FRMD4A: variants seen among roughly 807,000 people sequenced by gnomAD.
The protein encoded by FRMD4A is FERM domain containing 4A.
In FRMD4A, 29 loss-of-function variants were observed where a neutral mutation model predicts 129.1. The ratio of observed to expected loss-of-function variants is 0.22; its 90% CI spans 0.17 to 0.31. FRMD4A has a LOEUF of 0.31. Ranked by LOEUF, FRMD4A falls within the 10% of genes least tolerant of loss-of-function variation. The pLI, the probability that FRMD4A is intolerant of heterozygous loss-of-function variation, is 1.00. For synonymous variants in FRMD4A, 634 were observed against 571.6 expected (o/e 1.11, Z -1.56); for missense variants, 1,272 against 1,375.8 (o/e 0.92, Z 1.19).
chr10:14,153,223 A>T (rs1460524501), intron 2 of FRMD4A, among the ~76,000 whole-genome samples: 1 of 152,232 alleles, frequency 6.6e-6, no homozygotes, highest in Non-Finnish European at 1.5e-5. Flanking sequence ...AACGAATTCA[A>T]TTTAATAGAA....
Position 13,907,625 on chromosome 10 carries a change from A to C in FRMD4A, c.46-48713T>G, listed in dbSNP as rs577977024. ...CTGACAGACGAGGAAGTAGGCAGTA[A>C]GTTCCTGGCCTGCCCAATGGCTCCT... On this transcript the variant is annotated intron_variant, in intron 2 of 24. Transcript: ENST00000357447. Among the ~76,000 whole-genome samples, 317 of 152,264 alleles carry C rather than the reference A, an allele frequency of 2.1e-3. 4 individuals carry two copies. Among genetic ancestry groups the C allele is most frequent in the African/African-American group, 7.2e-3 (298 of 41,542 alleles).
At chr10:14,027,980 C>G (rs1168775265) in intron 2 of FRMD4A, among the ~76,000 whole-genome samples, 3 of 152,188 alleles carry the variant, frequency 2.0e-5, no homozygotes, top group African/African-American at 4.8e-5. Flanking sequence ...TAGAACCACA[C>G]CAGTGTTAAG....
At chr10:14,067,855 T>C (rs997206410) in intron 2 of FRMD4A, among the ~76,000 whole-genome samples, 1 of 152,014 alleles carries the variant, frequency 6.6e-6, no homozygotes, top group Non-Finnish European at 1.5e-5. Context: ...CCAAAAACAC[T>C]GTCATGAACA....
In FRMD4A at chr10:14,066,367, T is replaced by C. The variant is rs1284213461; in HGVS notation, c.46-207455A>G. Reference sequence around the variant, plus strand: ...CAGGGAAGGGGTGGGTATGGATCTGTTTCCTCAGTTCAGTGCCATAAGATC... The same window carrying C: ...CAGGGAAGGGGTGGGTATGGATCTGCTTCCTCAGTTCAGTGCCATAAGATC... On this transcript the variant is annotated intron_variant, in intron 2 of 24. Transcript: ENST00000357447. Among the ~76,000 whole-genome samples, 3 of 152,236 alleles carry C rather than the reference T, an allele frequency of 2.0e-5. No homozygotes were observed. The South Asian group carries it at 6.2e-4, about 32-fold the overall frequency.
At chr10:14,249,852 CT>C (rs1252951750) in intron 2 of FRMD4A, among the ~76,000 whole-genome samples, 32 of 152,176 alleles carry the variant, frequency 2.1e-4, no homozygotes, top group Admixed American at 1.4e-3. Flanking sequence ...TCTAGTTTTA[CT>C]TTTTAATAAA....
chr10:14,176,724 G>A (rs550413667), intron 2 of FRMD4A, among the ~76,000 whole-genome samples: 1 of 151,716 alleles, frequency 6.6e-6, no homozygotes, highest in Non-Finnish European at 1.5e-5. Flanking sequence ...CCACCCCCTC[G>A]GCCTCCCAAA....
chr10:13,665,384 G>A (rs2082944220), intron 18 of FRMD4A, among the ~76,000 whole-genome samples: 1 of 152,004 alleles, frequency 6.6e-6, no homozygotes, highest in Non-Finnish European at 1.5e-5. Flanking sequence ...TAGAGCAAAG[G>A]TATTTTAAAC....
intron 2 of FRMD4A, among the ~76,000 whole-genome samples, chr10:14,314,646 C>G (rs1846670323): frequency 1.3e-5 from 2 of 152,148 alleles, no homozygotes; most frequent in Non-Finnish European, 2.9e-5. Flanking sequence ...AGGGGAAGCA[C>G]TGTCAACATC....
At chr10:13,984,774 C>T (rs1414671511) in intron 2 of FRMD4A, among the ~76,000 whole-genome samples, 7 of 152,176 alleles carry the variant, frequency 4.6e-5, no homozygotes, top group Admixed American at 3.9e-4. Context: ...CATCAGCGGG[C>T]ACTTGGGTTG....
chr10:13,748,021 G>T (rs1173002957), intron 8 of FRMD4A, among the ~76,000 whole-genome samples: 1 of 152,130 alleles, frequency 6.6e-6, no homozygotes, highest in African/African-American at 2.4e-5. Context: ...CCCAGTAACC[G>T]CCTTTCACCG....
intron 2 of FRMD4A, among the ~76,000 whole-genome samples, chr10:14,185,517 T>C (rs1245024062): frequency 6.7e-6 from 1 of 149,398 alleles, no homozygotes; most frequent in Non-Finnish European, 1.5e-5. Flanking sequence ...TTTTTGGAGG[T>C]TTGTTGTAGA....
At chr10:14,065,575 T>A (rs1007647081) in intron 2 of FRMD4A, among the ~76,000 whole-genome samples, 7 of 152,110 alleles carry the variant, frequency 4.6e-5, no homozygotes, top group African/African-American at 1.7e-4. Flanking sequence ...CACTGAAATA[T>A]CTAAGACCCA....
intron 2 of FRMD4A, among the ~76,000 whole-genome samples, chr10:14,154,050 A>C (rs1177439101): frequency 6.6e-6 from 1 of 152,072 alleles, no homozygotes; most frequent in Non-Finnish European, 1.5e-5. Context: ...CCAGCGCCTG[A>C]GGGACCCATT....
chr10:14,294,260 A>T (rs113514785), intron 2 of FRMD4A, among the ~76,000 whole-genome samples: 3,010 of 152,302 alleles, frequency 0.02, 42 homozygotes, highest in Non-Finnish European at 0.03. Flanking sequence ...CTGATTCTTT[A>T]ATATAAGAAA....
intron 2 of FRMD4A, among the ~76,000 whole-genome samples, chr10:14,323,001 C>T (rs922967262): frequency 2.0e-5 from 3 of 152,122 alleles, no homozygotes; most frequent in Non-Finnish European, 4.4e-5. Context: ...TAGTCATCTC[C>T]CTTCAAAGGG....
chr10:13,968,802 T>C (rs905927065), intron 2 of FRMD4A, among the ~76,000 whole-genome samples: 1 of 151,952 alleles, frequency 6.6e-6, no homozygotes, highest in East Asian at 1.9e-4. Context: ...ATTCCCATTC[T>C]GTAATGGAGA....
intron 2 of FRMD4A, among the ~76,000 whole-genome samples, chr10:14,069,455 T>C (rs1835215712): frequency 6.6e-6 from 1 of 152,170 alleles, no homozygotes. Flanking sequence ...TGATAAGAGT[T>C]CACTGTGACC....
intron 2 of FRMD4A, among the ~76,000 whole-genome samples, chr10:14,263,656 C>T (rs536668831): frequency 1.3e-5 from 2 of 152,226 alleles, no homozygotes; most frequent in Admixed American, 6.5e-5. Flanking sequence ...AGGATGGAAA[C>T]TTTGGATCCC....
chr10:14,197,234 G>A (rs1564380114), intron 2 of FRMD4A, among the ~76,000 whole-genome samples: 2 of 152,032 alleles, frequency 1.3e-5, no homozygotes, highest in Non-Finnish European at 2.9e-5. Context: ...CAGGCAAATC[G>A]GGACCCCATT....
Sources: gnomAD v4.1 joint callset for allele counts (sites outside exome capture counted in the v4.1 genomes callset) on GRCh38, gnomAD v4.1.1 for gene constraint, MANE v1.5 for transcripts, NCBI Gene and HGNC (gene_info 2026-07-23, HGNC 2026-07-21) for gene names.